Variants in MLPH observed in about 807,000 individuals in gnomAD.
MLPH encodes exophilin-3.
Under a neutral mutation model 72.1 loss-of-function variants are expected in MLPH, and 51 were observed. The ratio of observed to expected loss-of-function variants is 0.71; its 90% CI spans 0.56 to 0.89. The LOEUF (loss-of-function observed/expected upper bound fraction) is 0.89. MLPH is among the 40% of genes least tolerant of loss of function. The probability of loss-of-function intolerance (pLI) is 0.00; values close to 1 mark genes in which losing one functional copy is unlikely to be tolerated. For synonymous variants in MLPH, 301 were observed against 310.1 expected (o/e 0.97, Z 0.31); for missense variants, 743 against 759.9 (o/e 0.98, Z 0.26).
In MLPH at chr2:237,534,583, A is replaced by G. The variant is rs2292884; in HGVS notation, c.1040A>G (p.His347Arg). The G allele has an allele frequency of 0.27, 439,093 of 1,611,710 alleles. 64,663 individuals are homozygous for G. Among genetic ancestry groups the G allele is most frequent in the African/African-American group, 0.57 (42,836 of 74,810 alleles). ...CTGCAGATCTTTGAGCTGAATAAGC[A>G]TATTTCAGCTGTGGAATGCCTGCTG... ...SESQIFELNKHISAVECLLTY... is the reference protein window; with the variant it reads ...SESQIFELNKRISAVECLLTY... The change falls in exon 9 of 16, where the codon CAT (histidine) becomes CGT (arginine). Residue 347 changes from histidine to arginine, a missense_variant. Physicochemically the swap from His to Arg is conservative, Grantham distance 29. Transcript: ENST00000264605.
rs1392204121 is a variant in MLPH, at chr2:237,510,353, C to T, written c.111-221C>T. The T allele has an allele frequency of 1.6e-6, 1 of 616,058 alleles. No individual in the cohort carries two copies. Among genetic ancestry groups the T allele is most frequent in the Non-Finnish European group, 2.9e-6 (1 of 339,776 alleles). The allele number at this position is 616,058 out of a possible 1,614,324, so 38.2% of individuals were successfully genotyped here. A position where few individuals can be genotyped will look rare whatever the true frequency, so the allele number is the denominator to read the frequency against. ...CTATGAAATTAACGTGTTTCCATTC[C>T]ATTCCAGCCACCAAAATTGCCCGTT... On this transcript the variant is annotated intron_variant, in intron 2 of 15. Transcript: ENST00000264605. The surrounding 1 kb of genome is among the most constrained non-coding windows in gnomAD (Gnocchi z 4.4).
intron 5 of MLPH, among the ~76,000 whole-genome samples, chr2:237,519,156 G>A (rs1016183764): frequency 2.6e-5 from 4 of 152,034 alleles, no homozygotes; most frequent in African/African-American, 7.3e-5. Flanking sequence ...TTGGGTGGGC[G>A]AGACAAACGA....
chr2:237,535,294 T>C (rs1301053363), intron 9 of MLPH, among the ~76,000 whole-genome samples: 1 of 152,032 alleles, frequency 6.6e-6, no homozygotes, highest in Non-Finnish European at 1.5e-5. Context: ...TCAATAATGA[T>C]ATTAATCCAT....
rs1450428202 is a variant in MLPH, at chr2:237,554,252, G to C, written c.*660G>C. On this transcript the variant is annotated 3_prime_UTR_variant, in exon 16 of 16. Transcript: ENST00000264605. ...CATGACAGCAAGTGAGCATTTGATA[G>C]ATGCTCAGATGCTAGTGCAGAGAGC... 5.6e-6 allele frequency: 1 copy of C among 179,864 alleles called. No individual in the cohort carries two copies. Among genetic ancestry groups the C allele is most frequent in the Non-Finnish European group, 1.2e-5 (1 of 83,600 alleles). 11.1% of individuals were successfully genotyped at this position (179,864 alleles called of 1,614,324 possible). A position where few individuals can be genotyped will look rare whatever the true frequency, so the allele number is the denominator to read the frequency against.
chr2:237,521,848 C>G (rs561849001), intron 6 of MLPH, among the ~76,000 whole-genome samples: 1 of 140,390 alleles, frequency 7.1e-6, no homozygotes, highest in South Asian at 2.3e-4. Context: ...CAAACACCTG[C>G]TACAACTATA....
intron 8 of MLPH, among the ~76,000 whole-genome samples, chr2:237,531,630 A>G (rs2080422177): frequency 1.3e-5 from 2 of 152,182 alleles, no homozygotes; most frequent in African/African-American, 4.8e-5. Context: ...TGCCTGTGGA[A>G]TTGTTTCTCT....
chr2:237,489,429 AG>A (rs1294623929), intron 1 of MLPH, among the ~76,000 whole-genome samples: 1 of 152,052 alleles, frequency 6.6e-6, no homozygotes, highest in African/African-American at 2.4e-5. Flanking sequence ...TAGGGAAGGG[AG>A]TGGCCCTTCT....
At chr2:237,533,764 G>T (rs879471062) in intron 8 of MLPH, among the ~76,000 whole-genome samples, 1 of 152,262 alleles carries the variant, frequency 6.6e-6, no homozygotes, top group Non-Finnish European at 1.5e-5. Flanking sequence ...ACTAGTGGCC[G>T]CTCAAGGCGT....
intron 4 of MLPH, among the ~76,000 whole-genome samples, chr2:237,515,806 C>T (rs1433313545): frequency 1.3e-5 from 2 of 152,172 alleles, no homozygotes; most frequent in East Asian, 3.9e-4. Flanking sequence ...CGTGATGAAG[C>T]TGGACCAGCT....
At chr2:237,534,758 T>G in intron 9 of MLPH, 111 bp downstream of exon 9, 1 of 931,774 alleles carries the variant, frequency 1.1e-6, no homozygotes, top group Non-Finnish European at 1.8e-6. Context: ...TTTTGCTGTT[T>G]GTAAGGTTAA....
At position 237,511,479 on chromosome 2, in the gene MLPH, A is replaced by T. The variant is rs577018146; in HGVS notation, c.445+378A>T. On this transcript the variant is annotated intron_variant, in intron 4 of 15. Coordinates refer to ENST00000264605, the MANE Select transcript of MLPH (RefSeq NM_024101.7). ...ACTGGCCTGGTCTGAGCACCTCAGA[A>T]GTCCTGGGTGCTGCTGAAGTTGCCA... is the stretch of plus-strand genomic sequence containing the variant. 267 of 238,034 alleles carry T rather than the reference A, an allele frequency of 1.1e-3. 2 individuals are homozygous for T. The highest frequency in any genetic ancestry group is 8.1e-3 in the South Asian group (140 of 17,354). 14.7% of individuals were successfully genotyped at this position (238,034 alleles called of 1,614,324 possible).
intron 2 of MLPH, among the ~76,000 whole-genome samples, chr2:237,503,774 C>T (rs1051838787): frequency 2.6e-5 from 4 of 152,114 alleles, no homozygotes; most frequent in African/African-American, 9.7e-5. Flanking sequence ...TGACCTCACA[C>T]GCTTTCCCCT....
intron 9 of MLPH, among the ~76,000 whole-genome samples, chr2:237,538,219 GC>G (rs2080580785): frequency 6.6e-6 from 1 of 152,200 alleles, no homozygotes; most frequent in Admixed American, 6.5e-5. Flanking sequence ...GGAACACCAA[GC>G]TTTCCCCCAG....
chr2:237,494,819 T>C (rs1249452393), intron 2 of MLPH, among the ~76,000 whole-genome samples: 1 of 152,170 alleles, frequency 6.6e-6, no homozygotes, highest in Non-Finnish European at 1.5e-5. Context: ...GAGAGCTTCG[T>C]AAAGGTGAAG....
At chr2:237,552,170 A>C in intron 14 of MLPH, 167 bp from the exon 15 acceptor site, 3 of 593,140 alleles carry the variant, frequency 5.1e-6, no homozygotes, top group Admixed American at 2.8e-5. Flanking sequence ...GATTTGCATG[A>C]CAGCTGAAAT....
intron 12 of MLPH, among the ~76,000 whole-genome samples, chr2:237,545,269 A>C (rs1423750105): frequency 6.7e-6 from 1 of 149,092 alleles, no homozygotes; most frequent in Admixed American, 6.7e-5. Context: ...ACAGCAACCC[A>C]GTTGAGTTGG....
intron 9 of MLPH, among the ~76,000 whole-genome samples, chr2:237,535,164 G>A (rs1306543442): frequency 6.6e-6 from 1 of 152,172 alleles, no homozygotes; most frequent in Non-Finnish European, 1.5e-5. Context: ...TCTGGTGAGG[G>A]CCTTCTTGCT....
In MLPH at chr2:237,514,385, C is replaced by T. The variant is rs77238058; in HGVS notation, c.445+3284C>T. ...AAGTGCTGGGATTACAAGCATAAAC[C>T]GTGCATGCCCAGCCAGATAATTTCT... On this transcript the variant is annotated intron_variant, in intron 4 of 15. Transcript: ENST00000264605. Among the ~76,000 whole-genome samples the T allele has an allele frequency of 5.3e-3, 813 of 152,258 alleles. 33 individuals carry two copies. In the East Asian group the frequency reaches 0.12, roughly 22 times the overall value.
At chr2:237,526,663 A>T (rs7559057) in intron 7 of MLPH, among the ~76,000 whole-genome samples, 25,321 of 152,002 alleles carry the variant, frequency 0.17, 2,328 homozygotes, top group African/African-American at 0.23. Flanking sequence ...GTGCTGGGAG[A>T]GCTGCCTCAG....
Sources: gnomAD v4.1 joint callset for allele counts (sites outside exome capture counted in the v4.1 genomes callset) on GRCh38, gnomAD v4.1.1 for gene constraint, Gnocchi (gnomAD v3.1) non-coding constraint, MANE v1.5 for transcripts, NCBI Gene and HGNC (gene_info 2026-07-23, HGNC 2026-07-21) for gene names.